The following ERC1 variants were observed in gnomAD, a reference collection of about 807,000 sequenced individuals.
ERC1 encodes ELKS/RAB6-interacting/CAST family member 1.
In ERC1, 56 loss-of-function variants were observed where a neutral mutation model predicts 132.0. The ratio of observed to expected loss-of-function variants is 0.42; its 90% CI spans 0.34 to 0.53. The LOEUF is 0.53. Ranked by LOEUF, ERC1 falls within the 20% of genes least tolerant of loss-of-function variation. The pLI, the probability that ERC1 is intolerant of heterozygous loss-of-function variation, is 0.03. For synonymous variants in ERC1, 478 were observed against 476.1 expected (o/e 1.00, Z -0.05); for missense variants, 1,202 against 1,349.9 (o/e 0.89, Z 1.72).
chr12:1,350,905 A>G (rs2084934152), intron 15 of ERC1, among the ~76,000 whole-genome samples: 1 of 152,178 alleles, frequency 6.6e-6, no homozygotes, highest in Non-Finnish European at 1.5e-5. Flanking sequence ...CTGAGGGTCC[A>G]TCCTGGCTTT....
chr12:1,455,118 T>C (rs2093502968), intron 18 of ERC1, among the ~76,000 whole-genome samples: 1 of 152,260 alleles, frequency 6.6e-6, no homozygotes, highest in South Asian at 2.1e-4. Flanking sequence ...TAGAAATACT[T>C]ATTTTTGGAG....
At chr12:1,249,757 C>G (rs559139474) in intron 13 of ERC1, among the ~76,000 whole-genome samples, 20 of 152,306 alleles carry the variant, frequency 1.3e-4, no homozygotes, top group Admixed American at 1.1e-3. Flanking sequence ...ATTTATTTCT[C>G]ACAGTTCTGT....
At chr12:1,215,518 T>G (rs147444049) in intron 12 of ERC1, among the ~76,000 whole-genome samples, 100 of 152,314 alleles carry the variant, frequency 6.6e-4, no homozygotes, top group Middle Eastern at 3.4e-3. Context: ...TTGCATTTTT[T>G]ACAGTATTAC....
chr12:1,455,287 C>G (rs1372503615), intron 18 of ERC1, among the ~76,000 whole-genome samples: 1 of 152,022 alleles, frequency 6.6e-6, no homozygotes, highest in East Asian at 1.9e-4. Context: ...CTGTAGTCAC[C>G]CTATTGATCT....
In ERC1 at chr12:1,028,183, T is replaced by G; in HGVS notation, c.280T>G (p.Ser94Ala). Residue 94 changes from serine to alanine, a missense_variant, in exon 2 of 19, where the codon TCT (serine) becomes GCT (alanine). Transcript: ENST00000360905. Reference protein sequence around the residue: ...TPKSTMTLGRSGGRLPYGVRM... With the variant: ...TPKSTMTLGRAGGRLPYGVRM... The stretch of plus-strand genomic sequence containing the variant: ...TAAAAGCACCATGACACTTGGCCGT[T>G]CTGGGGGACGTCTGCCTTACGGTGT... 1 of 1,614,188 alleles carries G rather than the reference T, an allele frequency of 6.2e-7. No individual in the cohort carries two copies. Among genetic ancestry groups the G allele is most frequent in the Admixed American group, 1.7e-5 (1 of 60,020 alleles).
chr12:1,263,348 G>A (rs969398475), intron 14 of ERC1, among the ~76,000 whole-genome samples, 183 bp downstream of exon 14: 3 of 152,178 alleles, frequency 2.0e-5, no homozygotes, highest in Non-Finnish European at 4.4e-5. Flanking sequence ...GGTTTCTTTT[G>A]TGTCAAGTAT....
At chr12:1,441,084 G>C (rs1192027218) in intron 17 of ERC1, among the ~76,000 whole-genome samples, 1 of 149,834 alleles carries the variant, frequency 6.7e-6, no homozygotes, top group Non-Finnish European at 1.5e-5. Flanking sequence ...TTTTGAGACA[G>C]ATCTTGCTGC....
chr12:1,071,548 G>GT (rs11340829), intron 2 of ERC1, among the ~76,000 whole-genome samples: 112 of 147,316 alleles, frequency 7.6e-4, no homozygotes, highest in Admixed American at 1.3e-3. Context: ...CTTTTAAAAA[G>GT]TTTTTTTTTT....
intron 3 of ERC1, among the ~76,000 whole-genome samples, chr12:1,093,751 T>C (rs1003425402): frequency 4.0e-5 from 6 of 151,638 alleles, no homozygotes; most frequent in African/African-American, 1.5e-4. Context: ...TTGAATATGT[T>C]CTAGGCTAGG....
chr12:1,390,722 A>T (rs1394246354), intron 16 of ERC1: 2 of 152,224 alleles, frequency 1.3e-5, no homozygotes, highest in African/African-American at 2.4e-5. Flanking sequence ...CCAGTTGTGG[A>T]TTCACTATGG....
At chr12:1,001,418 T>C (rs2154131904) in intron 1 of ERC1, among the ~76,000 whole-genome samples, 1 of 152,154 alleles carries the variant, frequency 6.6e-6, no homozygotes, top group East Asian at 1.9e-4. Context: ...AAGTAAAGCT[T>C]TACAATTTAT....
chr12:1,470,239 G>A (rs996184169), intron 18 of ERC1, among the ~76,000 whole-genome samples: 1 of 152,020 alleles, frequency 6.6e-6, no homozygotes, highest in African/African-American at 2.4e-5. Context: ...GTGCAACCCT[G>A]GACGTAGAGG....
At chr12:1,399,136 G>A (rs11613857) in intron 16 of ERC1, among the ~76,000 whole-genome samples, 1 of 151,080 alleles carries the variant, frequency 6.6e-6, no homozygotes, top group African/African-American at 2.4e-5. Flanking sequence ...TTTTTTTGTA[G>A]ATACAGGGTC....
intron 17 of ERC1, among the ~76,000 whole-genome samples, chr12:1,417,541 A>T (rs1474800425): frequency 6.6e-6 from 1 of 151,826 alleles, no homozygotes; most frequent in African/African-American, 2.4e-5. Context: ...GCACTTTGGG[A>T]GACCCAGGCG....
chr12:1,039,205 T>C (rs1482328856), intron 2 of ERC1, among the ~76,000 whole-genome samples: 4 of 151,058 alleles, frequency 2.6e-5, no homozygotes, highest in Admixed American at 6.6e-5. Flanking sequence ...GGCGTGGTGG[T>C]GGGCGCCTGT....
At chr12:1,361,702 T>A (rs2086141196) in intron 15 of ERC1, among the ~76,000 whole-genome samples, 1 of 152,180 alleles carries the variant, frequency 6.6e-6, no homozygotes, top group South Asian at 2.1e-4. Context: ...AAAGCAAAAC[T>A]CTGGAACATT....
intron 8 of ERC1, among the ~76,000 whole-genome samples, chr12:1,150,048 T>C (rs1950699572): frequency 1.3e-5 from 2 of 152,204 alleles, no homozygotes; most frequent in African/African-American, 4.8e-5. Context: ...TAGGGGGATT[T>C]ACAGTGCACT....
intron 8 of ERC1, among the ~76,000 whole-genome samples, chr12:1,153,771 G>T (rs1035644472): frequency 1.3e-5 from 2 of 152,176 alleles, no homozygotes; most frequent in Non-Finnish European, 2.9e-5. Flanking sequence ...GCCCTCCTGG[G>T]CCCTCCTTTC....
At chr12:1,071,011 T>C (rs1012215769) in intron 2 of ERC1, among the ~76,000 whole-genome samples, 2 of 152,242 alleles carry the variant, frequency 1.3e-5, no homozygotes, top group African/African-American at 4.8e-5. Context: ...CATTTATCCA[T>C]GTTGTTGCAT....
Sources: gnomAD v4.1 joint callset for allele counts (sites outside exome capture counted in the v4.1 genomes callset) on GRCh38, gnomAD v4.1.1 for gene constraint, MANE v1.5 for transcripts, NCBI Gene and HGNC (gene_info 2026-07-23, HGNC 2026-07-21) for gene names.